ARF1: variants seen among roughly 807,000 people sequenced by gnomAD.
ARF1 encodes ADP-ribosylation factor 1.
A neutral mutation model predicts 18.0 loss-of-function variants in ARF1; 1 was observed. The ratio of observed to expected loss-of-function variants is 0.06; its 90% CI spans 0.02 to 0.26. ARF1 has a LOEUF of 0.26. Among genes scored for constraint, ARF1 ranks in the 10% least tolerant of loss-of-function variants. The probability of loss-of-function intolerance (pLI) is 1.00; values close to 1 mark genes in which losing one functional copy is unlikely to be tolerated. For missense variants in ARF1, 73 were observed against 247.2 expected, an observed-to-expected ratio of 0.30 and a Z score of 4.73; for synonymous variants, 112 against 96.3, an observed-to-expected ratio of 1.16 and a Z score of -0.95.
At chr1:228,092,791 C>T (rs2032614741) in intron 1 of ARF1, among the ~76,000 whole-genome samples, 1 of 152,156 alleles carries the variant, frequency 6.6e-6, no homozygotes, top group African/African-American at 2.4e-5. Context: ...CATCTGGACC[C>T]CATGTGCATC....
At position 228,086,328 on chromosome 1, in the gene ARF1, A is replaced by G. The variant is rs141962428; in HGVS notation, c.-38+3563A>G. On this transcript the variant is annotated intron_variant, in intron 1 of 4. Transcript: ENST00000272102. ...CAGGAGATTGAGACCATCCTGGCGAACATGGTGATACCCCGACTCTACTAA... is the reference window on the plus strand; with the variant it reads ...CAGGAGATTGAGACCATCCTGGCGAGCATGGTGATACCCCGACTCTACTAA... Among the ~76,000 whole-genome samples, 715 of 152,174 alleles carry G rather than the reference A, an allele frequency of 4.7e-3. 3 individuals are homozygous for G. Among genetic ancestry groups the G allele is most frequent in the African/African-American group, 0.016 (677 of 41,516 alleles).
At chr1:228,095,393 C>T (rs2124854140) in intron 1 of ARF1, among the ~76,000 whole-genome samples, 1 of 152,330 alleles carries the variant, frequency 6.6e-6, no homozygotes, top group Admixed American at 6.5e-5. Context: ...TGTCATGGCT[C>T]AGCGCAGGCC....
chr1:228,094,604 G>A (rs928276917), intron 1 of ARF1, among the ~76,000 whole-genome samples: 1 of 152,042 alleles, frequency 6.6e-6, no homozygotes, highest in African/African-American at 2.4e-5. Context: ...TGGCTAGGCT[G>A]CTGCTCTCTC....
chr1:228,097,890 C>T lies in ARF1; in HGVS notation c.423C>T (p.Asp141=). ...CCATGAATGCGGCCGAGATCACAGA[C>T]AAGCTGGGGCTGCACTCACTACGCC... ...PNAMNAAEIT[D]KLGLHSLRHR... The change falls in exon 5 of 5, where the codon GAC becomes GAT. Residue 141 remains aspartate, a synonymous_variant. Coordinates refer to ENST00000272102, the MANE Select transcript of ARF1 (RefSeq NM_001658.4). This position sits in a 1 kb window ranked among gnomAD's most constrained non-coding sequence, Gnocchi z 8.1. The T allele has an allele frequency of 6.2e-7, 1 of 1,614,144 alleles. No homozygotes were observed. The highest frequency in any genetic ancestry group is 8.5e-7 in the Non-Finnish European group (1 of 1,180,008).
Position 228,082,937 on chromosome 1 carries a change from G to T in ARF1, c.-38+172G>T. 1 of 152,596 alleles carries T rather than the reference G, an allele frequency of 6.6e-6. No individual in the cohort carries two copies. Among genetic ancestry groups the T allele is most frequent in the South Asian group, 1.9e-4 (1 of 5,252 alleles). The allele number at this position is 152,596 out of a possible 1,614,324, so 9.5% of individuals were successfully genotyped here. On this transcript the variant is annotated intron_variant, in intron 1 of 4. Coordinates refer to ENST00000272102, the MANE Select transcript of ARF1 (RefSeq NM_001658.4). This position sits in a 1 kb window ranked among gnomAD's most constrained non-coding sequence, Gnocchi z 6.1. Reference sequence around the variant, plus strand: ...ACGCAGACGGGCCGGGCTGAGGCTGGGGCCCGGCCGGAGTCGGGGCTGGGC... The same window carrying T: ...ACGCAGACGGGCCGGGCTGAGGCTGTGGCCCGGCCGGAGTCGGGGCTGGGC...
Position 228,097,505 on chromosome 1 carries a change from G to C in ARF1, c.259+53G>C. The C allele has an allele frequency of 6.2e-7, 1 of 1,613,598 alleles. No homozygotes were observed. Among genetic ancestry groups the C allele is most frequent in the Non-Finnish European group, 8.5e-7 (1 of 1,179,728 alleles). On this transcript the variant is annotated intron_variant, in intron 3 of 4. Transcript: ENST00000272102. This position sits in a 1 kb window ranked among gnomAD's most constrained non-coding sequence, Gnocchi z 8.1. ...GCACTCCTGCTTCTAGAGAGGGGGG[G>C]CCAGCCCATAGATGGGGCATCGATG...
In ARF1 at chr1:228,089,984, C is replaced by T. The variant is rs992275661; in HGVS notation, c.-37-7094C>T. Among the ~76,000 whole-genome samples the T allele has an allele frequency of 6.6e-6, 1 of 152,240 alleles. No homozygotes were observed. The highest frequency in any genetic ancestry group is 2.4e-5 in the African/African-American group (1 of 41,470). On this transcript the variant is annotated intron_variant, in intron 1 of 4. Coordinates refer to ENST00000272102, the MANE Select transcript of ARF1 (RefSeq NM_001658.4). The surrounding 1 kb of genome is among the most constrained non-coding windows in gnomAD (Gnocchi z 4.1). ...GTAGCATTGTCACATCAGATAGCTC[C>T]GCTACGTGTGCGCTGACCATGCTGA...
rs781034886 is a variant in ARF1, at chr1:228,097,765, G to A, written c.384+50G>A. The A allele has an allele frequency of 3.1e-6, 5 of 1,590,080 alleles. No homozygotes were observed. Among genetic ancestry groups the A allele is most frequent in the East Asian group, 2.2e-5 (1 of 44,708 alleles). On this transcript the variant is annotated intron_variant, in intron 4 of 4. Coordinates refer to ENST00000272102, the MANE Select transcript of ARF1 (RefSeq NM_001658.4). The surrounding 1 kb of genome is among the most constrained non-coding windows in gnomAD (Gnocchi z 8.1). ...AATGTGAGGAGCCAGTGTGGGTTCCGCCTGGTGGTAGGGGTTACTGGAGGC... is the reference window on the plus strand; with the variant it reads ...AATGTGAGGAGCCAGTGTGGGTTCCACCTGGTGGTAGGGGTTACTGGAGGC...
At position 228,094,528 on chromosome 1, in the gene ARF1, TAAG is replaced by T. The variant is rs538626102; in HGVS notation, c.-37-2547_-37-2545del. Among the ~76,000 whole-genome samples, 9 of 152,194 alleles carry T rather than the reference TAAG, an allele frequency of 5.9e-5. No homozygotes were observed. The South Asian group carries it at 1.9e-3, about 32-fold the overall frequency. On this transcript the variant is annotated intron_variant, in intron 1 of 4. Coordinates refer to ENST00000272102, the MANE Select transcript of ARF1 (RefSeq NM_001658.4). Reference sequence around the variant, plus strand: ...TGCCTAGAGTTGCCCAACCCCATAATAAGAATACGTAGGTGGCGTGCCCCATTC... The same window carrying T: ...TGCCTAGAGTTGCCCAACCCCATAATAATACGTAGGTGGCGTGCCCCATTC...
chr1:228,093,118 G>T (rs977668531), intron 1 of ARF1, among the ~76,000 whole-genome samples: 1 of 152,112 alleles, frequency 6.6e-6, no homozygotes, highest in African/African-American at 2.4e-5. Context: ...AAAGTGTGAG[G>T]GGTCCCCTTG....
At chr1:228,086,127 A>T (rs2032390290) in intron 1 of ARF1, among the ~76,000 whole-genome samples, 1 of 152,196 alleles carries the variant, frequency 6.6e-6, no homozygotes, top group Non-Finnish European at 1.5e-5. Flanking sequence ...ATGAAGTCAC[A>T]CTTTTGCCTT....
chr1:228,098,093 C>A lies in ARF1; in HGVS notation c.*80C>A. On this transcript the variant is annotated 3_prime_UTR_variant, in exon 5 of 5. Transcript: ENST00000272102. ...AAACGTGCGGCTCGTGGTGTGAGTG[C>A]CAGAAGCTGCCTCCGTGGTTTGGTC... 6.6e-7 allele frequency: 1 copy of A among 1,506,654 alleles called. No homozygotes were observed. Among genetic ancestry groups the A allele is most frequent in the Non-Finnish European group, 8.9e-7 (1 of 1,117,652 alleles). The allele number at this position is 1,506,654 out of a possible 1,614,324, so 93.3% of individuals were successfully genotyped here.
rs1044986290 is a variant in ARF1, at chr1:228,098,081, G to C, written c.*68G>C. On this transcript the variant is annotated 3_prime_UTR_variant, in exon 5 of 5. Coordinates refer to ENST00000272102, the MANE Select transcript of ARF1 (RefSeq NM_001658.4). The stretch of plus-strand genomic sequence containing the variant: ...CTCTCATGTGGCAAACGTGCGGCTC[G>C]TGGTGTGAGTGCCAGAAGCTGCCTC... 1 of 1,528,974 alleles carries C rather than the reference G, an allele frequency of 6.5e-7. No individual in the cohort carries two copies. The highest frequency in any genetic ancestry group is 8.8e-7 in the Non-Finnish European group (1 of 1,132,132). The allele number at this position is 1,528,974 out of a possible 1,614,324, so 94.7% of individuals were successfully genotyped here.
Position 228,097,637 on chromosome 1 carries a change from G to A in ARF1, c.306G>A (p.Glu102=). 6.2e-7 allele frequency: 1 copy of A among 1,614,176 alleles called. No homozygotes were observed. The highest frequency in any genetic ancestry group is 8.5e-7 in the Non-Finnish European group (1 of 1,180,024). The change falls in exon 4 of 5, where the codon GAG becomes GAA. Residue 102 remains glutamate (E), a synonymous_variant. Coordinates refer to ENST00000272102, the MANE Select transcript of ARF1 (RefSeq NM_001658.4). This position sits in a 1 kb window ranked among gnomAD's most constrained non-coding sequence, Gnocchi z 8.1. ...GCAATGACAGAGAGCGTGTGAACGA[G>A]GCCCGTGAGGAGCTCATGAGGATGC... ...VDSNDRERVN[E]AREELMRMLA...
At position 228,097,574 on chromosome 1, in the gene ARF1, C is replaced by G. The variant is rs755237018; in HGVS notation, c.260-17C>G. On this transcript the variant is annotated splice_polypyrimidine_tract_variant and intron_variant, in intron 3 of 4. Coordinates refer to ENST00000272102, the MANE Select transcript of ARF1 (RefSeq NM_001658.4). This position sits in a 1 kb window ranked among gnomAD's most constrained non-coding sequence, Gnocchi z 8.1. ...GGGCTGTGTTCCCATGACCATTTGA[C>G]ACTGGCTGCCCGGCAGGCCTGATCT... 6.2e-7 allele frequency: 1 copy of G among 1,614,166 alleles called. No homozygotes were observed. Among genetic ancestry groups the G allele is most frequent in the East Asian group, 2.2e-5 (1 of 44,878 alleles).
intron 1 of ARF1, among the ~76,000 whole-genome samples, chr1:228,085,973 C>T (rs900807907): frequency 5.9e-5 from 9 of 152,190 alleles, no homozygotes; most frequent in Admixed American, 2.0e-4. Flanking sequence ...GCAGCCCCTA[C>T]GAAACTTCAG....
At chr1:228,083,648 CT>C (rs1394174050) in intron 1 of ARF1, 10 of 152,292 alleles carry the variant, frequency 6.6e-5, no homozygotes, top group African/African-American at 2.4e-4. Context: ...CTACCTGAAT[CT>C]TTAACCTGCC....
chr1:228,096,971 G>A, intron 1 of ARF1, 107 bp from the exon 2 acceptor site: 2 of 1,037,440 alleles, frequency 1.9e-6, no homozygotes, highest in Non-Finnish European at 2.7e-6. Flanking sequence ...TTCCCTGCAG[G>A]CTTCCAGGAG....
Position 228,098,072 on chromosome 1 carries a change from G to A in ARF1, c.*59G>A, listed in dbSNP as rs1405397975. 22 of 1,543,182 alleles carry A rather than the reference G, an allele frequency of 1.4e-5. No individual in the cohort carries two copies. Among genetic ancestry groups the A allele is most frequent in the East Asian group, 4.6e-5 (2 of 43,582 alleles). ...TCTGCTTTACTCTCATGTGGCAAAC[G>A]TGCGGCTCGTGGTGTGAGTGCCAGA... On this transcript the variant is annotated 3_prime_UTR_variant, in exon 5 of 5. Coordinates refer to ENST00000272102, the MANE Select transcript of ARF1 (RefSeq NM_001658.4).
Sources: allele counts gnomAD v4.1 joint callset (sites outside exome capture counted in the v4.1 genomes callset), GRCh38; gene constraint gnomAD v4.1.1; non-coding constraint Gnocchi (gnomAD v3.1); transcripts MANE v1.5; gene names NCBI Gene and HGNC (gene_info 2026-07-23, HGNC 2026-07-21).